The following RNF130 variants were observed in gnomAD, a reference collection of about 807,000 sequenced individuals.
The protein encoded by RNF130 is ring finger protein 130.
A neutral mutation model predicts 44.6 loss-of-function variants in RNF130; 21 were observed. The ratio of observed to expected loss-of-function variants is 0.47; its 90% CI spans 0.33 to 0.68. The LOEUF is 0.68. RNF130 is among the 30% of genes least tolerant of loss of function. The probability of loss-of-function intolerance (pLI) is 0.02; values close to 1 mark genes in which losing one functional copy is unlikely to be tolerated. For missense variants in RNF130, 479 were observed against 560.6 expected, an observed-to-expected ratio of 0.85 and a Z score of 1.47; for synonymous variants, 214 against 210.4, an observed-to-expected ratio of 1.02 and a Z score of -0.15.
At chr5:179,943,684 T>A (rs1220747438) in intron 7 of RNF130, among the ~76,000 whole-genome samples, 1 of 152,172 alleles carries the variant, frequency 6.6e-6, no homozygotes, top group Non-Finnish European at 1.5e-5. Flanking sequence ...AAGCTAAAAC[T>A]AGAATCCAGG....
intron 2 of RNF130, among the ~76,000 whole-genome samples, chr5:180,019,261 G>A (rs1383050091): frequency 2.6e-5 from 4 of 151,860 alleles, no homozygotes; most frequent in Admixed American, 6.6e-5. Flanking sequence ...GCGGGCACCT[G>A]TAGTCCCAGC....
chr5:180,013,945 A>G (rs1407764707), intron 2 of RNF130, among the ~76,000 whole-genome samples: 1 of 152,226 alleles, frequency 6.6e-6, no homozygotes, highest in Non-Finnish European at 1.5e-5. Flanking sequence ...TATTAGTGAC[A>G]TCTGAAACTA....
intron 7 of RNF130, among the ~76,000 whole-genome samples, chr5:179,932,425 T>C (rs1761822067): frequency 6.6e-6 from 1 of 151,878 alleles, no homozygotes; most frequent in South Asian, 2.1e-4. Context: ...TCCCGGCTGA[T>C]TTTTCTGTAT....
chr5:180,030,840 G>A (rs920752238), intron 2 of RNF130, among the ~76,000 whole-genome samples: 3 of 152,166 alleles, frequency 2.0e-5, no homozygotes, highest in African/African-American at 7.2e-5. Context: ...TGCTTTTGAG[G>A]TTTATCCATG....
intron 1 of RNF130, among the ~76,000 whole-genome samples, chr5:180,060,580 C>A (rs2113179333): frequency 6.6e-6 from 1 of 152,328 alleles, no homozygotes; most frequent in Non-Finnish European, 1.5e-5. Context: ...CCTGTCCGTT[C>A]ACTTGCCAGC....
chr5:179,966,541 G>A (rs1261078493), intron 7 of RNF130, among the ~76,000 whole-genome samples: 1 of 152,104 alleles, frequency 6.6e-6, no homozygotes, highest in Non-Finnish European at 1.5e-5. Flanking sequence ...TTCAAAACAA[G>A]GTTTATAAAA....
chr5:179,940,791 C>T (rs572746645), intron 7 of RNF130, among the ~76,000 whole-genome samples: 1 of 152,036 alleles, frequency 6.6e-6, no homozygotes, highest in Non-Finnish European at 1.5e-5. Flanking sequence ...TCAAATACTG[C>T]TTCTGCCCCA....
chr5:179,979,352 G>A (rs751687798), intron 4 of RNF130, among the ~76,000 whole-genome samples: 1 of 150,470 alleles, frequency 6.6e-6, no homozygotes, highest in Non-Finnish European at 1.5e-5. Flanking sequence ...GTGGTATCAA[G>A]GCAATGGGAA....
intron 3 of RNF130, among the ~76,000 whole-genome samples, chr5:179,998,703 G>GT (rs1177514338): frequency 2.6e-5 from 4 of 151,734 alleles, no homozygotes; most frequent in African/African-American, 9.7e-5. Flanking sequence ...GAAATATATT[G>GT]TAAATGTGTT....
chr5:179,941,360 A>G (rs1368841375), intron 7 of RNF130, among the ~76,000 whole-genome samples: 1 of 152,248 alleles, frequency 6.6e-6, no homozygotes, highest in Admixed American at 6.5e-5. Context: ...TAATCTAATT[A>G]GAGATTGAAC....
intron 1 of RNF130, among the ~76,000 whole-genome samples, chr5:180,066,222 G>A (rs1428507165): frequency 3.3e-5 from 5 of 152,136 alleles, no homozygotes; most frequent in South Asian, 2.1e-4. Context: ...TACTATTCTC[G>A]TGATAGTGAA....
downstream of RNF130, among the ~76,000 whole-genome samples, chr5:179,951,363 A>G (rs573823699): frequency 1.3e-3 from 192 of 151,408 alleles, 1 homozygote; most frequent in African/African-American, 4.4e-3. Flanking sequence ...AGAACAGTCC[A>G]TCCAACAAGA....
chr5:179,974,664 T>G (rs2113712045), intron 5 of RNF130, among the ~76,000 whole-genome samples: 1 of 152,276 alleles, frequency 6.6e-6, no homozygotes, highest in South Asian at 2.1e-4. Flanking sequence ...TGGGCAGGTG[T>G]GACAGCAGAC....
chr5:179,941,266 G>A (rs1219340699), intron 7 of RNF130, among the ~76,000 whole-genome samples: 1 of 152,308 alleles, frequency 6.6e-6, no homozygotes, highest in East Asian at 1.9e-4. Flanking sequence ...ATAATTTGAC[G>A]TTGCTGATGG....
chr5:179,942,589 T>C (rs1298299660), intron 7 of RNF130, among the ~76,000 whole-genome samples: 1 of 152,150 alleles, frequency 6.6e-6, no homozygotes, highest in East Asian at 1.9e-4. Flanking sequence ...TTAAAGGGAA[T>C]TGTTGATGCG....
chr5:180,048,384 G>A (rs1275983222), intron 1 of RNF130, among the ~76,000 whole-genome samples: 1 of 152,128 alleles, frequency 6.6e-6, no homozygotes, highest in Non-Finnish European at 1.5e-5. Flanking sequence ...ATTATCAAAG[G>A]CTACAGGATT....
chr5:180,022,705 C>T (rs1221942237), intron 2 of RNF130, among the ~76,000 whole-genome samples: 3 of 152,182 alleles, frequency 2.0e-5, no homozygotes, highest in Admixed American at 1.3e-4. Flanking sequence ...ACTTAAGCCA[C>T]GTCTCCACAA....
chr5:180,071,555 C>A lies in RNF130; in HGVS notation c.148G>T (p.Ala50Ser). ...CGGTCGATGCGAAACGTGAGCGGGG[C>A]GCCGCGGCCGGGCTCCTGCACCGTC... ...NVTVQEPGRG[A>S]PLTFRIDRGR... Residue 50 changes from alanine (A) to serine (S), a missense_variant, in exon 1 of 9, where the codon GCC becomes TCC. Physicochemically the swap from Ala to Ser is moderately conservative, Grantham distance 99. This residue lies in a region of RNF130 where 138 missense variants were observed against 126.9 expected (regional missense o/e 1.09). Coordinates refer to ENST00000521389, the MANE Select transcript of RNF130 (RefSeq NM_018434.6). The A allele has an allele frequency of 1.4e-6, 2 of 1,422,816 alleles. No homozygotes were observed. The highest frequency in any genetic ancestry group is 1.6e-5 in the South Asian group (1 of 63,044). The allele number at this position is 1,422,816 out of a possible 1,614,324, so 88.1% of individuals were successfully genotyped here. A position where few individuals can be genotyped will look rare whatever the true frequency, so the allele number is the denominator to read the frequency against.
chr5:179,974,047 A>G (rs1057297419), intron 5 of RNF130, among the ~76,000 whole-genome samples: 3 of 152,108 alleles, frequency 2.0e-5, no homozygotes, highest in Non-Finnish European at 4.4e-5. Flanking sequence ...GGAGGCCTCT[A>G]TATTGAAGGT....
Sources: gnomAD v4.1 joint callset for allele counts (sites outside exome capture counted in the v4.1 genomes callset) on GRCh38, gnomAD v4.1.1 for gene constraint, gnomAD v4.1.1 regional missense constraint, MANE v1.5 for transcripts, NCBI Gene and HGNC (gene_info 2026-07-23, HGNC 2026-07-21) for gene names.